Variants in CCDC171 observed in about 807,000 individuals in gnomAD.
The protein encoded by CCDC171 is coiled-coil domain containing 171.
CCDC171 carries 177 observed loss-of-function variants against 168.2 expected under a neutral mutation model. The observed-to-expected ratio is 1.05, with a 90% CI of 0.93 to 1.19. CCDC171 has a LOEUF of 1.19. CCDC171 is among the 50% of genes most tolerant of loss of function. The pLI is 0.00. For synonymous variants in CCDC171, 687 were observed against 540.8 expected, an observed-to-expected ratio of 1.27 and a Z score of -3.75; for missense variants, 1,991 against 1,539.0, an observed-to-expected ratio of 1.29 and a Z score of -4.91.
chr9:15,588,494 G>T, intron 4 of CCDC171: 1 of 311,496 alleles, frequency 3.2e-6, no homozygotes, highest in Non-Finnish European at 6.5e-6. Flanking sequence ...CTGCAAAGAA[G>T]GGAGAAAAGG....
intron 24 of CCDC171, among the ~76,000 whole-genome samples, chr9:15,907,353 G>A (rs537032172): frequency 1.3e-5 from 2 of 152,028 alleles, no homozygotes; most frequent in South Asian, 2.1e-4. Flanking sequence ...AAATAATGCT[G>A]CATATCTACA....
chr9:15,968,931 C>T (rs1341124158), intron 25 of CCDC171, among the ~76,000 whole-genome samples: 5 of 152,048 alleles, frequency 3.3e-5, no homozygotes, highest in Non-Finnish European at 5.9e-5. Flanking sequence ...GCAGATGATC[C>T]CAGTAGCAAA....
At chr9:15,692,690 GC>G (rs2050899748) in intron 10 of CCDC171, among the ~76,000 whole-genome samples, 1 of 151,354 alleles carries the variant, frequency 6.6e-6, no homozygotes, top group African/African-American at 2.4e-5. Flanking sequence ...ACCATGCCCA[GC>G]TAATTTTTTG....
intron 7 of CCDC171, among the ~76,000 whole-genome samples, chr9:15,623,901 A>G (rs1308435731): frequency 2.6e-5 from 4 of 152,230 alleles, no homozygotes; most frequent in African/African-American, 9.6e-5. Flanking sequence ...CAGGATTTTT[A>G]TTCGTGAATG....
intron 25 of CCDC171, among the ~76,000 whole-genome samples, chr9:15,926,760 A>G (rs1024474468): frequency 8.6e-5 from 13 of 151,686 alleles, no homozygotes; most frequent in African/African-American, 2.9e-4. Flanking sequence ...ATCAATAAAT[A>G]TTCTCTTATC....
chr9:15,607,070 A>G (rs768139262), intron 6 of CCDC171, among the ~76,000 whole-genome samples: 2 of 152,170 alleles, frequency 1.3e-5, no homozygotes, highest in Non-Finnish European at 2.9e-5. Flanking sequence ...TGAGTGTTAC[A>G]TTGCATCTCA....
At chr9:15,577,999 T>G (rs1296422209) in intron 3 of CCDC171, among the ~76,000 whole-genome samples, 1 of 152,202 alleles carries the variant, frequency 6.6e-6, no homozygotes, top group Non-Finnish European at 1.5e-5. Context: ...GATCACAAAT[T>G]CGATATTCGT....
At chr9:15,968,486 G>A (rs568414585) in intron 25 of CCDC171, among the ~76,000 whole-genome samples, 36 of 147,714 alleles carry the variant, frequency 2.4e-4, no homozygotes, top group Admixed American at 7.4e-4. Context: ...ATATTTACTT[G>A]TATTTTAACA....
chr9:15,905,622 C>T (rs1589070328), intron 24 of CCDC171, among the ~76,000 whole-genome samples: 1 of 151,958 alleles, frequency 6.6e-6, no homozygotes, highest in East Asian at 1.9e-4. Context: ...ACTAGAGAAG[C>T]AAGAGCAAAC....
At chr9:15,625,907 G>A (rs1255329921) in intron 7 of CCDC171, among the ~76,000 whole-genome samples, 2 of 152,126 alleles carry the variant, frequency 1.3e-5, no homozygotes, top group African/African-American at 4.8e-5. Flanking sequence ...ATTACCTTGG[G>A]GAGTATGGCC....
At position 15,908,511 on chromosome 9, in the gene CCDC171, G is replaced by C. The variant is rs140689510; in HGVS notation, c.3601-11759G>C. Reference sequence around the variant, plus strand: ...CACACACTGGGGCCTGTTGTCGGGTGGGGGGAGGTGGGAGGGATAGCATTT... The same window carrying C: ...CACACACTGGGGCCTGTTGTCGGGTCGGGGGAGGTGGGAGGGATAGCATTT... On this transcript the variant is annotated intron_variant, in intron 24 of 25. Coordinates refer to ENST00000380701, the MANE Select transcript of CCDC171 (RefSeq NM_173550.4). Among the ~76,000 whole-genome samples, 1,246 of 151,726 alleles carry C rather than the reference G, an allele frequency of 8.2e-3. 10 individuals carry two copies. Among genetic ancestry groups the C allele is most frequent in the African/African-American group, 0.029 (1,195 of 41,282 alleles).
At chr9:15,746,023 C>G (rs941292674) in intron 18 of CCDC171, among the ~76,000 whole-genome samples, 5 of 151,954 alleles carry the variant, frequency 3.3e-5, no homozygotes, top group African/African-American at 1.2e-4. Context: ...AAATTTTTAT[C>G]TCTCGTTTTG....
chr9:16,043,282 G>T (rs574347806), intron 1 of CCDC171, among the ~76,000 whole-genome samples: 3 of 152,124 alleles, frequency 2.0e-5, no homozygotes, highest in African/African-American at 7.2e-5. Flanking sequence ...ATATATTTTT[G>T]TGTGTTAATG....
chr9:16,090,504 G>A, the CCDC171 span, among the ~76,000 whole-genome samples: 29 of 152,200 alleles, frequency 1.9e-4, no homozygotes, highest in Admixed American at 1.4e-3. Context: ...ACCATGGCAC[G>A]TGTATACCCA....
chr9:16,020,003 G>A (rs1179505963), intron 3 of CCDC171, among the ~76,000 whole-genome samples: 1 of 152,132 alleles, frequency 6.6e-6, no homozygotes, highest in Non-Finnish European at 1.5e-5. Flanking sequence ...TATCTGCAAG[G>A]GGTATGTTCC....
the CCDC171 span, among the ~76,000 whole-genome samples, chr9:16,107,079 G>C: frequency 6.6e-6 from 1 of 152,188 alleles, no homozygotes; most frequent in South Asian, 2.1e-4. Flanking sequence ...CTGTATACCA[G>C]TGTTTCTCAA....
At chr9:15,823,717 AGT>A (rs1327940696) in intron 21 of CCDC171, among the ~76,000 whole-genome samples, 1 of 152,102 alleles carries the variant, frequency 6.6e-6, no homozygotes, top group African/African-American at 2.4e-5. Flanking sequence ...AGTTTTAAAG[AGT>A]GTTACTGTTG....
At position 15,729,731 on chromosome 9, in the gene CCDC171, A is replaced by C. The variant is rs768420584; in HGVS notation, c.1982A>C (p.His661Pro). 1.9e-6 allele frequency: 3 copies of C among 1,613,546 alleles called. No individual in the cohort carries two copies. The Admixed American group carries it at 5.0e-5, about 27-fold the overall frequency. ...ATCAAAGCCCAAGAGAGCTGCTGGC[A>C]CAGACAAAAGAAGGAACTAGAGCTG... ...EQIKAQESCW[H>P]RQKKELELQY... Residue 661 changes from histidine to proline, a missense_variant, in exon 16 of 26, where the codon CAC (histidine) becomes CCC (proline). By Grantham distance (77) the His-to-Pro change is moderately conservative (BLOSUM62 -2). Coordinates refer to ENST00000380701, the MANE Select transcript of CCDC171 (RefSeq NM_173550.4).
intron 3 of CCDC171, among the ~76,000 whole-genome samples, chr9:15,989,174 C>G (rs1309708971): frequency 6.6e-6 from 1 of 152,202 alleles, no homozygotes; most frequent in Non-Finnish European, 1.5e-5. Flanking sequence ...TGGGAGGCAT[C>G]CCCCAGTAGG....
Sources: gnomAD v4.1 joint callset for allele counts (sites outside exome capture counted in the v4.1 genomes callset) on GRCh38, gnomAD v4.1.1 for gene constraint, MANE v1.5 for transcripts, NCBI Gene and HGNC (gene_info 2026-07-23, HGNC 2026-07-21) for gene names.